The following FSTL4 variants were observed in gnomAD, a reference collection of about 807,000 sequenced individuals.
FSTL4 encodes the protein follistatin-related protein 4.
Under a neutral mutation model 78.2 loss-of-function variants are expected in FSTL4, and 28 were observed. That is an observed-to-expected ratio of 0.36 (90% CI 0.27 to 0.49). The LOEUF (loss-of-function observed/expected upper bound fraction) is 0.49, where lower values mean the gene tolerates loss of function less well. Among genes scored for constraint, FSTL4 ranks in the 20% least tolerant of loss-of-function variants. The pLI is 0.98. For missense variants in FSTL4, 922 were observed against 1,084.9 expected, an observed-to-expected ratio of 0.85 and a Z score of 2.11; for synonymous variants, 422 against 440.5, an observed-to-expected ratio of 0.96 and a Z score of 0.53.
chr5:133,602,934 G>A (rs549617529), intron 2 of FSTL4, among the ~76,000 whole-genome samples: 2 of 152,298 alleles, frequency 1.3e-5, no homozygotes, highest in African/African-American at 4.8e-5. Context: ...CTCTGGGAAT[G>A]TTGACTTTTT....
In FSTL4 at chr5:133,259,707, G is replaced by A. The variant is rs1581576453; in HGVS notation, c.728-10131C>T. ...GGGAGAGAGGGAAAAAATGCAGGGG[G>A]ACCATTTAGGAGGCCAAGGCAGTAG... is the stretch of plus-strand genomic sequence containing the variant. On this transcript the variant is annotated intron_variant, in intron 6 of 15. Coordinates refer to ENST00000265342, the MANE Select transcript of FSTL4 (RefSeq NM_015082.2). 2.6e-5 allele frequency among the ~76,000 whole-genome samples: 4 copies of A among 152,064 alleles called. No individual in the cohort carries two copies. The South Asian group carries it at 8.3e-4, about 32-fold the overall frequency.
intron 6 of FSTL4, among the ~76,000 whole-genome samples, chr5:133,290,458 C>G (rs1337703282): frequency 6.6e-6 from 1 of 152,226 alleles, no homozygotes; most frequent in East Asian, 1.9e-4. Flanking sequence ...CCTGGGTCTT[C>G]CCTCTTCATC....
intron 2 of FSTL4, among the ~76,000 whole-genome samples, chr5:133,601,903 T>C (rs1269770689): frequency 6.6e-6 from 1 of 151,654 alleles, no homozygotes; most frequent in Non-Finnish European, 1.5e-5. Context: ...AGGCTGGTCT[T>C]GAACTCCTGG....
At chr5:133,278,644 C>T (rs1368606207) in intron 6 of FSTL4, among the ~76,000 whole-genome samples, 1 of 152,204 alleles carries the variant, frequency 6.6e-6, no homozygotes, top group African/African-American at 2.4e-5. Context: ...TCTTGGCGGA[C>T]ATGAGAGGTG....
the FSTL4 span, among the ~76,000 whole-genome samples, chr5:133,755,583 G>C: frequency 6.6e-6 from 1 of 152,058 alleles, no homozygotes; most frequent in Admixed American, 6.6e-5. Flanking sequence ...CTCAAATCTT[G>C]GCATAAATGT....
intron 2 of FSTL4, among the ~76,000 whole-genome samples, chr5:133,598,881 G>T (rs62376604): frequency 0.02 from 3,098 of 152,310 alleles, 45 homozygotes; most frequent in Non-Finnish European, 0.027. Flanking sequence ...TACTGTAGGT[G>T]AGGCTTAAGA....
Position 133,319,904 on chromosome 5 carries a change from C to T in FSTL4, c.410-3252G>A, listed in dbSNP as rs543302059. ...ATTTGTCCGAAATTACTGAGCTCCT[C>T]TGGTGCCCGACAGCACTGGGGAAGG... is the stretch of plus-strand genomic sequence containing the variant. On this transcript the variant is annotated intron_variant, in intron 4 of 15. Transcript: ENST00000265342. Among the ~76,000 whole-genome samples the T allele has an allele frequency of 4.6e-5, 7 of 152,328 alleles. 1 individual carries two copies. Among genetic ancestry groups the T allele is most frequent in the African/African-American group, 1.7e-4 (7 of 41,576 alleles).
the FSTL4 span, among the ~76,000 whole-genome samples, chr5:133,688,133 G>A: frequency 6.6e-6 from 1 of 152,376 alleles, no homozygotes; most frequent in Admixed American, 6.5e-5. Context: ...TCTAGGCCGG[G>A]CACAGGGGCT....
At chr5:133,699,608 G>A in the FSTL4 span, among the ~76,000 whole-genome samples, 5 of 152,266 alleles carry the variant, frequency 3.3e-5, no homozygotes, top group South Asian at 2.1e-4. Flanking sequence ...ATGGCCGGGC[G>A]CGGTGGCTCA....
At chr5:133,785,499 G>A in the FSTL4 span, among the ~76,000 whole-genome samples, 1 of 152,224 alleles carries the variant, frequency 6.6e-6, no homozygotes, top group Non-Finnish European at 1.5e-5. Context: ...GGAGACATGA[G>A]TTTGGGACCT....
chr5:133,546,492 C>G (rs2545543), intron 3 of FSTL4, among the ~76,000 whole-genome samples: 2 of 129,514 alleles, frequency 1.5e-5, no homozygotes, highest in African/African-American at 5.9e-5. Context: ...GCTGACAGAG[C>G]GAGACTTTGT....
the FSTL4 span, among the ~76,000 whole-genome samples, chr5:133,660,245 T>C: frequency 1.3e-3 from 200 of 152,326 alleles, 2 homozygotes; most frequent in East Asian, 0.036. Flanking sequence ...GACCCTCTCC[T>C]TTCCCTCCTA....
chr5:133,837,303 C>G, the FSTL4 span, among the ~76,000 whole-genome samples: 1 of 152,140 alleles, frequency 6.6e-6, no homozygotes, highest in East Asian at 1.9e-4. Flanking sequence ...ACAGAAGTCT[C>G]AATGTTGTTG....
chr5:133,296,660 G>A (rs1259055560), intron 6 of FSTL4, among the ~76,000 whole-genome samples: 3 of 152,276 alleles, frequency 2.0e-5, no homozygotes, highest in African/African-American at 4.8e-5. Context: ...CTGGGCTATC[G>A]TATTTAATTT....
the FSTL4 span, among the ~76,000 whole-genome samples, chr5:133,623,564 G>C: frequency 6.6e-6 from 1 of 151,980 alleles, no homozygotes; most frequent in African/African-American, 2.4e-5. Flanking sequence ...AATCATAGGA[G>C]TAAATCTTCA....
intron 5 of FSTL4, among the ~76,000 whole-genome samples, chr5:133,313,456 G>A (rs139787328): frequency 1.0e-3 from 155 of 152,260 alleles, no homozygotes; most frequent in Non-Finnish European, 1.5e-3. Flanking sequence ...AGGACACAGA[G>A]GCTGCCCAGC....
intron 3 of FSTL4, among the ~76,000 whole-genome samples, chr5:133,529,933 A>G (rs1470045264): frequency 6.6e-6 from 1 of 152,030 alleles, no homozygotes; most frequent in East Asian, 1.9e-4. Flanking sequence ...ACGGATCCAA[A>G]CCAGTACATG....
rs566631995 is a variant in FSTL4, at chr5:133,205,954, A to G, written c.1717-3912T>C. Among the ~76,000 whole-genome samples the G allele has an allele frequency of 3.4e-4, 52 of 152,318 alleles. 1 individual carries two copies. Among genetic ancestry groups the G allele is most frequent in the Middle Eastern group, 3.4e-3 (1 of 294 alleles). ...ACAAACTAGCGCAACCCCACAAAAC[A>G]TGTTTGAGTTTTCATCCTGGACTCT... is the stretch of plus-strand genomic sequence containing the variant. On this transcript the variant is annotated intron_variant, in intron 14 of 15. Transcript: ENST00000265342.
chr5:133,809,989 A>C, the FSTL4 span, among the ~76,000 whole-genome samples: 7 of 152,244 alleles, frequency 4.6e-5, no homozygotes, highest in African/African-American at 1.7e-4. Flanking sequence ...GGATATAGAC[A>C]TTCAATACAC....
Sources: gnomAD v4.1 joint callset for allele counts (sites outside exome capture counted in the v4.1 genomes callset) on GRCh38, gnomAD v4.1.1 for gene constraint, MANE v1.5 for transcripts, NCBI Gene and HGNC (gene_info 2026-07-23, HGNC 2026-07-21) for gene names.